PAK2: variants seen among roughly 807,000 people sequenced by gnomAD.
PAK2 encodes serine/threonine-protein kinase PAK 2.
In PAK2, 21 loss-of-function variants were observed where a neutral mutation model predicts 65.9. The observed-to-expected ratio is 0.32, with a 90% CI of 0.23 to 0.46. The LOEUF (loss-of-function observed/expected upper bound fraction) is 0.46, where lower values mean the gene tolerates loss of function less well. Ranked by LOEUF, PAK2 falls within the 20% of genes least tolerant of loss-of-function variation. The probability of loss-of-function intolerance (pLI) is 1.00; values close to 1 mark genes in which losing one functional copy is unlikely to be tolerated. For missense variants in PAK2, 324 were observed against 642.6 expected (o/e 0.50, Z 5.36); for synonymous variants, 204 against 219.7 (o/e 0.93, Z 0.63).
intron 1 of PAK2, among the ~76,000 whole-genome samples, chr3:196,770,031 G>A (rs1714313234): frequency 6.6e-6 from 1 of 152,004 alleles, no homozygotes; most frequent in African/African-American, 2.4e-5. Flanking sequence ...CACAGTGGGA[G>A]GATAGCTTGA....
intron 9 of PAK2, 121 bp from the exon 10 acceptor site, chr3:196,812,618 C>G: frequency 1.7e-6 from 1 of 603,656 alleles, no homozygotes; most frequent in South Asian, 2.1e-5. Context: ...CAAGGTGCCA[C>G]CTGGGAGTAA....
chr3:196,787,606 T>C (rs921486038), intron 2 of PAK2, among the ~76,000 whole-genome samples: 1 of 150,842 alleles, frequency 6.6e-6, no homozygotes, highest in African/African-American at 2.4e-5. Context: ...AAGAATTGTA[T>C]AGACTTTGTA....
At chr3:196,800,022 C>A (rs1395430098) in intron 2 of PAK2, among the ~76,000 whole-genome samples, 1 of 152,120 alleles carries the variant, frequency 6.6e-6, no homozygotes, top group Non-Finnish European at 1.5e-5. Context: ...TTTTAAAGAC[C>A]TAAATAAATG....
At position 196,820,170 on chromosome 3, in the gene PAK2, CTG is replaced by C. The variant is rs1711602930; in HGVS notation, c.1154-198_1154-197del. Among the ~76,000 whole-genome samples, 1 of 152,036 alleles carries C rather than the reference CTG, an allele frequency of 6.6e-6. No individual in the cohort carries two copies. Among genetic ancestry groups the C allele is most frequent in the African/African-American group, 2.4e-5 (1 of 41,414 alleles). ...AAAAGGCCTCCTGATAATTTGGACTCTGTGGCAAGTAAAAGTAAAATGTGAGA... is the reference window on the plus strand; with the variant it reads ...AAAAGGCCTCCTGATAATTTGGACTCTGGCAAGTAAAAGTAAAATGTGAGA... On this transcript the variant is annotated intron_variant, in intron 12 of 14. Transcript: ENST00000327134. The surrounding 1 kb of genome is among the most constrained non-coding windows in gnomAD (Gnocchi z 4.6).
chr3:196,749,127 T>C (rs1713485840), intron 1 of PAK2, among the ~76,000 whole-genome samples: 1 of 152,062 alleles, frequency 6.6e-6, no homozygotes, highest in African/African-American at 2.4e-5. Context: ...ATTTACCTTA[T>C]TCTGCTTGTC....
At chr3:196,769,585 G>A (rs1193694976) in intron 1 of PAK2, among the ~76,000 whole-genome samples, 5 of 151,784 alleles carry the variant, frequency 3.3e-5, no homozygotes, top group African/African-American at 4.9e-5. Context: ...GCCAAGGCGG[G>A]CGGATCACGA....
At chr3:196,775,555 G>C (rs1323080747) in intron 1 of PAK2, among the ~76,000 whole-genome samples, 1 of 151,922 alleles carries the variant, frequency 6.6e-6, no homozygotes, top group Non-Finnish European at 1.5e-5. Context: ...GCTAATTTTT[G>C]TATTTTTAGT....
At chr3:196,801,839 A>G in intron 2 of PAK2, 88 bp from the exon 3 acceptor site, 1 of 735,838 alleles carries the variant, frequency 1.4e-6, no homozygotes, top group Non-Finnish European at 2.4e-6. Flanking sequence ...ATTTAAAAAA[A>G]CAAAAGACAA....
At chr3:196,802,248 A>G (rs973469986) in intron 3 of PAK2, among the ~76,000 whole-genome samples, 20 of 152,034 alleles carry the variant, frequency 1.3e-4, no homozygotes, top group Non-Finnish European at 1.5e-5. Context: ...AAAATACAAG[A>G]AAATTAGCCA....
intron 3 of PAK2, 60 bp from the exon 4 acceptor site, chr3:196,802,957 G>T: frequency 8.7e-7 from 1 of 1,144,198 alleles, no homozygotes. Context: ...TTTATCTCTG[G>T]AAATTAATTT....
intron 11 of PAK2, among the ~76,000 whole-genome samples, chr3:196,815,366 C>CTA (rs1242096520): frequency 7.3e-5 from 11 of 151,702 alleles, no homozygotes; most frequent in Admixed American, 1.3e-4. Flanking sequence ...GTGGTGCACG[C>CTA]CTGTAATCCC....
chr3:196,745,009 A>G (rs1408570061), intron 1 of PAK2, among the ~76,000 whole-genome samples: 2 of 152,006 alleles, frequency 1.3e-5, no homozygotes, highest in African/African-American at 4.8e-5. Context: ...CTTCACATGT[A>G]ATAGATATTA....
At chr3:196,822,936 G>A (rs1281243053) in intron 13 of PAK2, among the ~76,000 whole-genome samples, 1 of 152,170 alleles carries the variant, frequency 6.6e-6, no homozygotes, top group African/African-American at 2.4e-5. Context: ...AGCGAGAGGT[G>A]CGGTCGATCG....
At chr3:196,788,596 C>T (rs766194039) in intron 2 of PAK2, among the ~76,000 whole-genome samples, 4 of 152,230 alleles carry the variant, frequency 2.6e-5, no homozygotes, top group East Asian at 1.9e-4. Context: ...CCTGCTCCCA[C>T]GACAGCAATC....
Position 196,791,349 on chromosome 3 carries a change from A to G in PAK2, c.187+8516A>G, listed in dbSNP as rs1715062784. Among the ~76,000 whole-genome samples, 1 of 152,098 alleles carries G rather than the reference A, an allele frequency of 6.6e-6. No individual in the cohort carries two copies. Among genetic ancestry groups the G allele is most frequent in the African/African-American group, 2.4e-5 (1 of 41,432 alleles). On this transcript the variant is annotated intron_variant, in intron 2 of 14. Coordinates refer to ENST00000327134, the MANE Select transcript of PAK2 (RefSeq NM_002577.4). This position sits in a 1 kb window ranked among gnomAD's most constrained non-coding sequence, Gnocchi z 4.0. ...GCATTGAACAGATTTTTAGGATTTT[A>G]TGTTTATTTTGAATGATCTAATGTG...
intron 1 of PAK2, among the ~76,000 whole-genome samples, chr3:196,752,162 A>G (rs765708795): frequency 2.0e-5 from 3 of 152,170 alleles, no homozygotes; most frequent in Non-Finnish European, 4.4e-5. Flanking sequence ...TGCATTTTGG[A>G]TAAGGGATAC....
At chr3:196,814,676 C>T (rs1021971443) in intron 11 of PAK2, 108 bp downstream of exon 11, 37 of 689,356 alleles carry the variant, frequency 5.4e-5, no homozygotes, top group Non-Finnish European at 9.1e-5. Context: ...GGTGCTTTCT[C>T]TGTATACATT....
chr3:196,811,561 A>T (rs374120550), intron 8 of PAK2, among the ~76,000 whole-genome samples: 1 of 150,322 alleles, frequency 6.7e-6, no homozygotes, highest in East Asian at 2.0e-4. Flanking sequence ...TTTCTTCCTA[A>T]CAGCTAAATT....
intron 10 of PAK2, among the ~76,000 whole-genome samples, chr3:196,814,211 G>A (rs1452652355): frequency 6.6e-6 from 1 of 152,112 alleles, no homozygotes; most frequent in East Asian, 1.9e-4. Context: ...ATCAGAATGA[G>A]CTATGTGCAT....
Sources: allele counts gnomAD v4.1 joint callset (sites outside exome capture counted in the v4.1 genomes callset), GRCh38; gene constraint gnomAD v4.1.1; non-coding constraint Gnocchi (gnomAD v3.1); transcripts MANE v1.5; gene names NCBI Gene and HGNC (gene_info 2026-07-23, HGNC 2026-07-21).